Variants in MAP4K4 observed in about 807,000 individuals in gnomAD.
The protein encoded by MAP4K4 is mitogen-activated protein kinase kinase kinase kinase 4, also known as HPK/GCK-like kinase HGK.
MAP4K4 carries 38 observed loss-of-function variants against 189.6 expected under a neutral mutation model. That is an observed-to-expected ratio of 0.20 (90% CI 0.15 to 0.26). The LOEUF is 0.26. Ranked by LOEUF, MAP4K4 falls within the 10% of genes least tolerant of loss-of-function variation. The pLI, the probability that MAP4K4 is intolerant of heterozygous loss-of-function variation, is 1.00. For missense variants in MAP4K4, 1,054 were observed against 1,726.9 expected, an observed-to-expected ratio of 0.61 and a Z score of 6.91; for synonymous variants, 610 against 624.3, an observed-to-expected ratio of 0.98 and a Z score of 0.34.
intron 2 of MAP4K4, among the ~76,000 whole-genome samples, chr2:101,785,216 G>A (rs1333510699): frequency 6.6e-6 from 1 of 152,118 alleles, no homozygotes; most frequent in African/African-American, 2.4e-5. Flanking sequence ...CCTATTCTTA[G>A]GCTGTATGAG....
At chr2:101,702,810 G>A (rs545554738) in intron 2 of MAP4K4, among the ~76,000 whole-genome samples, 1 of 152,184 alleles carries the variant, frequency 6.6e-6, no homozygotes, top group Non-Finnish European at 1.5e-5. Flanking sequence ...TTGAGGACAA[G>A]GGTACCCTAG....
chr2:101,861,027 C>A, intron 16 of MAP4K4, 41 bp downstream of exon 16: 2 of 1,538,012 alleles, frequency 1.3e-6, no homozygotes, highest in Non-Finnish European at 1.8e-6. Flanking sequence ...GAGACTCATG[C>A]AACGGCTCGC....
chr2:101,741,312 C>T (rs999053177), intron 2 of MAP4K4, among the ~76,000 whole-genome samples: 8 of 151,874 alleles, frequency 5.3e-5, no homozygotes, highest in African/African-American at 1.4e-4. Flanking sequence ...GGACTACAGG[C>T]GCCCGCCACC....
intron 21 of MAP4K4, among the ~76,000 whole-genome samples, chr2:101,868,887 A>G (rs1577089793): frequency 1.3e-5 from 2 of 151,988 alleles, no homozygotes; most frequent in East Asian, 1.9e-4. Flanking sequence ...CAACAAATGT[A>G]TATACACAGA....
intron 6 of MAP4K4, 181 bp downstream of exon 6, chr2:101,829,775 G>A: frequency 1.9e-6 from 1 of 538,160 alleles, no homozygotes; most frequent in African/African-American, 1.9e-5. Flanking sequence ...CCACTTCCAT[G>A]TTTGTGCCCC....
At chr2:101,808,624 C>T (rs2095195594) in intron 3 of MAP4K4, among the ~76,000 whole-genome samples, 1 of 143,724 alleles carries the variant, frequency 7.0e-6, no homozygotes, top group Admixed American at 7.3e-5. Flanking sequence ...GCTGCTGGAA[C>T]AAAAAATTTA....
chr2:101,716,646 T>G (rs2048569702), intron 2 of MAP4K4, among the ~76,000 whole-genome samples: 1 of 152,178 alleles, frequency 6.6e-6, no homozygotes, highest in South Asian at 2.1e-4. Flanking sequence ...TCGTGTTGTA[T>G]AAGCATCATC....
intron 2 of MAP4K4, among the ~76,000 whole-genome samples, chr2:101,729,404 T>C (rs937468802): frequency 3.3e-5 from 5 of 152,074 alleles, no homozygotes; most frequent in African/African-American, 1.2e-4. Flanking sequence ...ATGCTAAGAG[T>C]GTTTTGTGAA....
At position 101,753,225 on chromosome 2, in the gene MAP4K4, T is replaced by C. The variant is rs576692447; in HGVS notation, c.124-37495T>C. Among the ~76,000 whole-genome samples the C allele has an allele frequency of 2.0e-5, 3 of 152,320 alleles. No individual in the cohort carries two copies. The South Asian group carries it at 6.2e-4, about 32-fold the overall frequency. ...ACAGAGCTACTAAGTAGCAGAGCTG[T>C]GATTTGACTTCCTTGCCAAGCTTAA... On this transcript the variant is annotated intron_variant, in intron 2 of 32. Transcript: ENST00000324219.
intron 7 of MAP4K4, among the ~76,000 whole-genome samples, chr2:101,833,681 G>A (rs2096656503): frequency 6.6e-6 from 1 of 151,658 alleles, no homozygotes; most frequent in Non-Finnish European, 1.5e-5. Context: ...AATGTTTAGT[G>A]AGTACCCGCC....
At position 101,870,198 on chromosome 2, in the gene MAP4K4, C is replaced by T. The variant is rs889479815; in HGVS notation, c.2640-97C>T. The T allele has an allele frequency of 1.7e-4, 214 of 1,261,504 alleles. No individual in the cohort carries two copies. In the African/African-American group the frequency reaches 2.9e-3, roughly 17 times the overall value. 78.1% of individuals were successfully genotyped at this position (1,261,504 alleles called of 1,614,324 possible). Reference sequence around the variant, plus strand: ...GGAGGAGGCTTTATATCGGTAGCCTCATCTCATGTTTTGATTTTGAGAAGG... The same window carrying T: ...GGAGGAGGCTTTATATCGGTAGCCTTATCTCATGTTTTGATTTTGAGAAGG... On this transcript the variant is annotated intron_variant, in intron 22 of 32. Coordinates refer to ENST00000324219, the Ensembl canonical transcript of MAP4K4.
At position 101,876,967 on chromosome 2, in the gene MAP4K4, G is replaced by A. The variant is rs772837607; in HGVS notation, c.3242-36G>A. The A allele has an allele frequency of 8.7e-6, 14 of 1,611,270 alleles. No individual in the cohort carries two copies. The South Asian group carries it at 1.4e-4, about 16-fold the overall frequency. On this transcript the variant is annotated intron_variant, in intron 26 of 32. Transcript: ENST00000324219. Reference sequence around the variant, plus strand: ...ACAACCTGGGGATTTGCCAAGCACAGCATAAAATTGAGGCCTTTCTGTGTC... The same window carrying A: ...ACAACCTGGGGATTTGCCAAGCACAACATAAAATTGAGGCCTTTCTGTGTC...
intron 3 of MAP4K4, among the ~76,000 whole-genome samples, chr2:101,793,718 C>A (rs1253379294): frequency 2.0e-5 from 3 of 151,898 alleles, no homozygotes; most frequent in Non-Finnish European, 4.4e-5. Context: ...TTCCTCAGGC[C>A]CAGAAGGCAA....
chr2:101,885,436 C>T, intron 29 of MAP4K4, 149 bp downstream of exon 29: 1 of 510,864 alleles, frequency 2.0e-6, no homozygotes, highest in Middle Eastern at 3.1e-4. Context: ...TAAACCATTT[C>T]TAATGTAATA....
At chr2:101,861,031 G>A in intron 16 of MAP4K4, 45 bp downstream of exon 16, 3 of 1,528,324 alleles carry the variant, frequency 2.0e-6, no homozygotes, top group Non-Finnish European at 2.6e-6. Flanking sequence ...CTCATGCAAC[G>A]GCTCGCTGAG....
chr2:101,814,322 C>T (rs915155607), intron 3 of MAP4K4, among the ~76,000 whole-genome samples: 2 of 152,158 alleles, frequency 1.3e-5, no homozygotes, highest in African/African-American at 4.8e-5. Flanking sequence ...AAGTCTGTGA[C>T]ACTTATTCAT....
chr2:101,807,041 C>CT lies in MAP4K4; in HGVS notation c.180+16279dup, dbSNP rs72332487. On this transcript the variant is annotated intron_variant, in intron 3 of 32. Transcript: ENST00000324219. ...TTTTTCAGTTCTTTCTTTTACCCTT[C>CT]TTTTTTTTTTTTTTCTTTTTTCTGA... Among the ~76,000 whole-genome samples, 358 of 141,292 alleles carry CT rather than the reference C, an allele frequency of 2.5e-3. 1 individual carries two copies. The highest frequency in any genetic ancestry group is 4.1e-3 in the African/African-American group (158 of 38,512). 92.7% of individuals were successfully genotyped at this position (141,292 alleles called of 152,430 possible).
chr2:101,806,398 C>T (rs1305290780), intron 3 of MAP4K4, among the ~76,000 whole-genome samples: 4 of 135,166 alleles, frequency 3.0e-5, no homozygotes, highest in South Asian at 2.3e-4. Flanking sequence ...TTTTTTGAGA[C>T]GGAATCTCGC....
At chr2:101,700,612 ATTC>A (rs373196603) in intron 2 of MAP4K4, among the ~76,000 whole-genome samples, 8 of 152,288 alleles carry the variant, frequency 5.3e-5, no homozygotes, top group African/African-American at 1.4e-4. Flanking sequence ...TCTCATCTGT[ATTC>A]TTCTTTTCCT....
Sources: gnomAD v4.1 joint callset for allele counts (sites outside exome capture counted in the v4.1 genomes callset) on GRCh38, gnomAD v4.1.1 for gene constraint, MANE v1.5 for transcripts, NCBI Gene and HGNC (gene_info 2026-07-23, HGNC 2026-07-21) for gene names.